ZDHHC6: variants seen among roughly 807,000 people sequenced by gnomAD.
ZDHHC6 encodes zDHHC palmitoyltransferase 6.
ZDHHC6 carries 32 observed loss-of-function variants against 57.8 expected under a neutral mutation model. The ratio of observed to expected loss-of-function variants is 0.55; its 90% CI spans 0.42 to 0.74. ZDHHC6 has a LOEUF of 0.74. ZDHHC6 is among the 30% of genes least tolerant of loss of function. ZDHHC6 has a pLI of 0.00. For synonymous variants in ZDHHC6, 128 were observed against 158.0 expected (o/e 0.81, Z 1.42); for missense variants, 433 against 500.7 (o/e 0.86, Z 1.29).
downstream of ZDHHC6, among the ~76,000 whole-genome samples, chr10:112,429,845 G>A (rs1844876613): frequency 6.6e-6 from 1 of 152,192 alleles, no homozygotes; most frequent in African/African-American, 2.4e-5. Flanking sequence ...AGGCGGCAGG[G>A]CGCTGGTGTC....
At chr10:112,426,117 T>C (rs1000689173), downstream of ZDHHC6, 23 of 616,754 alleles carry the variant, frequency 3.7e-5, no homozygotes, top group Admixed American at 3.6e-4. Context: ...AAATATATGG[T>C]GAGAAAAGAA....
At chr10:112,429,505 T>G (rs1458745809), downstream of ZDHHC6, among the ~76,000 whole-genome samples, 1 of 152,196 alleles carries the variant, frequency 6.6e-6, no homozygotes, top group East Asian at 1.9e-4. Context: ...AATTCCCAAG[T>G]GCTCTTCCCT....
rs1225449399 is a variant in ZDHHC6 at position 112,438,356 on chromosome 10, C to G, written c.715G>C (p.Glu239Gln). Residue 239 changes from glutamate (E) to glutamine (Q), a missense_variant, in exon 6 of 11, where the codon GAG becomes CAG. By Grantham distance (29) the Glu-to-Gln change is conservative. Transcript: ENST00000369405. Reference sequence around the variant, plus strand: ...TTTACCTTCTCTTCAATCCATGACTCAATAGAAGTTTTGTTTCTGAGAATT... The same window carrying G: ...TTTACCTTCTCTTCAATCCATGACTGAATAGAAGTTTTGTTTCTGAGAATT... ...KIILRNKTSI[E>Q]SWIEEKAKDR... is the part of the protein sequence containing the mutation. 1.5e-6 allele frequency: 2 copies of G among 1,371,196 alleles called. No homozygotes were observed. The highest frequency in any genetic ancestry group is 9.7e-7 in the Non-Finnish European group (1 of 1,030,600). 84.9% of individuals were successfully genotyped at this position (1,371,196 alleles called of 1,614,324 possible).
At chr10:112,435,189 T>G (rs897486926) in intron 6 of ZDHHC6, among the ~76,000 whole-genome samples, 34 of 152,210 alleles carry the variant, frequency 2.2e-4, no homozygotes, top group African/African-American at 6.8e-4. Flanking sequence ...AGGAAATAAA[T>G]TGGCTTTGGA....
intron 5 of ZDHHC6, 91 bp from the exon 6 acceptor site, chr10:112,438,480 C>T: frequency 2.0e-6 from 2 of 1,013,024 alleles, no homozygotes; most frequent in Non-Finnish European, 1.4e-6. Context: ...GCTTTTATTA[C>T]TCCATTCCAT....
downstream of ZDHHC6, among the ~76,000 whole-genome samples, chr10:112,428,715 G>A (rs977229652): frequency 5.9e-5 from 9 of 151,782 alleles, no homozygotes; most frequent in East Asian, 1.9e-4. Context: ...AGCTTGCAGC[G>A]AGCCGAGATC....
upstream of ZDHHC6, chr10:112,447,406 C>G: frequency 1.2e-6 from 2 of 1,613,752 alleles, no homozygotes; most frequent in Non-Finnish European, 1.7e-6. Context: ...ACGAGCAGGA[C>G]TTCGCGGTGC....
chr10:112,429,966 TGG>T (rs141673449), downstream of ZDHHC6, among the ~76,000 whole-genome samples: 21 of 108,384 alleles, frequency 1.9e-4, no homozygotes, highest in Admixed American at 1.1e-3. Context: ...AAGCAGTTGT[TGG>T]GGGGGGGGTG....
At chr10:112,434,593 A>G in intron 6 of ZDHHC6, 129 bp from the exon 7 acceptor site, 1 of 936,118 alleles carries the variant, frequency 1.1e-6, no homozygotes, top group South Asian at 2.0e-5. Context: ...CTGTAATATT[A>G]GTGTACATGG....
At position 112,445,314 on chromosome 10, in the gene ZDHHC6, G is replaced by C. The variant is rs776794299; in HGVS notation, c.123C>G (p.Asp41Glu). The stretch of plus-strand genomic sequence containing the variant: ...GTAAGGGCCAATACCACAACACAGA[G>C]TCAATCATGGCCATGGTAGAACATA... ...IAICSTMAMI[D>E]SVLWYWPLHT... The change falls in exon 2 of 11, where the codon GAC becomes GAG. Residue 41 changes from aspartate to glutamate, a missense_variant. By Grantham distance (45) the Asp-to-Glu change is conservative (BLOSUM62 2). Transcript: ENST00000369405. 1 of 1,614,194 alleles carries C rather than the reference G, an allele frequency of 6.2e-7. No individual in the cohort carries two copies. The highest frequency in any genetic ancestry group is 8.5e-7 in the Non-Finnish European group (1 of 1,180,044).
chr10:112,436,277 C>T (rs889808395), intron 6 of ZDHHC6, among the ~76,000 whole-genome samples: 1 of 152,204 alleles, frequency 6.6e-6, no homozygotes, highest in Non-Finnish European at 1.5e-5. Flanking sequence ...GAGTTTGAGA[C>T]CAGCCTGGCC....
At chr10:112,430,254 A>C (rs1174776708), downstream of ZDHHC6, 3 of 152,304 alleles carry the variant, frequency 2.0e-5, no homozygotes, top group African/African-American at 4.8e-5. Flanking sequence ...AACTAAGATG[A>C]ACCTTTTTAG....
chr10:112,433,066 C>T (rs1845187021), intron 8 of ZDHHC6, among the ~76,000 whole-genome samples, 174 bp downstream of exon 8: 1 of 152,010 alleles, frequency 6.6e-6, no homozygotes. Context: ...CCTCTAGTCC[C>T]AATTATTTAA....
downstream of ZDHHC6, chr10:112,426,660 G>T: frequency 1.3e-6 from 1 of 795,294 alleles, no homozygotes; most frequent in Non-Finnish European, 2.1e-6. Flanking sequence ...CATATAATGT[G>T]CTTGTGCATA....
At position 112,443,511 on chromosome 10, in the gene ZDHHC6, G is replaced by A. The variant is rs762484893; in HGVS notation, c.359+4C>T. ...CCTCGCTGAACAGCAAGAAAGACAG[G>A]TACCTGTTACACTTTCTGCAGTGAT... On this transcript the variant is annotated splice_donor_region_variant and intron_variant, in intron 3 of 10. Coordinates refer to ENST00000369405, the MANE Select transcript of ZDHHC6 (RefSeq NM_022494.3). The A allele has an allele frequency of 1.2e-6, 2 of 1,613,280 alleles. No homozygotes were observed. The highest frequency in any genetic ancestry group is 3.3e-5 in the Admixed American group (2 of 59,940).
intron 6 of ZDHHC6, 111 bp downstream of exon 6, chr10:112,438,225 G>T: frequency 1.3e-6 from 1 of 770,092 alleles, no homozygotes; most frequent in Non-Finnish European, 1.8e-6. Flanking sequence ...TTCACTTTTA[G>T]GCACTTTTCG....
chr10:112,442,160 T>C, intron 4 of ZDHHC6, 32 bp downstream of exon 4: 6 of 1,576,838 alleles, frequency 3.8e-6, no homozygotes, highest in Non-Finnish European at 5.2e-6. Flanking sequence ...GCATGGATGA[T>C]TTTATAACAA....
At chr10:112,447,448 G>T (rs370389836), upstream of ZDHHC6, 4 of 1,613,548 alleles carry the variant, frequency 2.5e-6, no homozygotes, top group African/African-American at 5.3e-5. Flanking sequence ...AGATTGCGAG[G>T]GTCCCACGAC....
In ZDHHC6 at chr10:112,443,716, C is replaced by T. The variant is rs542833701; in HGVS notation, c.268-110G>A. ...CGATAGGGGAAGGAGAGAATCTTAA[C>T]TTGCATTTCCAGTCCTCTTATTTGA... On this transcript the variant is annotated intron_variant, in intron 2 of 10. Coordinates refer to ENST00000369405, the MANE Select transcript of ZDHHC6 (RefSeq NM_022494.3). 11 of 762,422 alleles carry T rather than the reference C, an allele frequency of 1.4e-5. No individual in the cohort carries two copies. The African/African-American group carries it at 1.8e-4, about 12-fold the overall frequency. 47.2% of individuals were successfully genotyped at this position (762,422 alleles called of 1,614,324 possible).
Sources: allele counts gnomAD v4.1 joint callset (sites outside exome capture counted in the v4.1 genomes callset), GRCh38; gene constraint gnomAD v4.1.1; transcripts MANE v1.5; gene names NCBI Gene and HGNC (gene_info 2026-07-23, HGNC 2026-07-21).